Variants in CCDC74A observed in about 807,000 individuals in gnomAD.
CCDC74A encodes the protein coiled-coil domain-containing protein 74A.
Under a neutral mutation model 37.6 loss-of-function variants are expected in CCDC74A, and 38 were observed. The observed-to-expected ratio is 1.01, with a 90% CI of 0.78 to 1.33. The LOEUF is 1.33. Among genes scored for constraint, CCDC74A ranks in the 40% most tolerant of loss-of-function variants. The pLI, the probability that CCDC74A is intolerant of heterozygous loss-of-function variation, is 0.00. For missense variants in CCDC74A, 340 were observed against 403.4 expected, an observed-to-expected ratio of 0.84 and a Z score of 1.35; for synonymous variants, 134 against 165.2, an observed-to-expected ratio of 0.81 and a Z score of 1.45.
rs560072033 is a variant in CCDC74A at position 131,529,536 on chromosome 2, T to TG, written c.251-104dup. ...CATGGGGCAGGGCCCAATCAGCCAGTGGGGGGGCAGGACTTTTGGGCTCAG... is the reference window on the plus strand; with the variant it reads ...CATGGGGCAGGGCCCAATCAGCCAGTGGGGGGGGCAGGACTTTTGGGCTCAG... On this transcript the variant is annotated intron_variant, in intron 1 of 7. Coordinates refer to ENST00000409856, the MANE Select transcript of CCDC74A (RefSeq NM_001258306.3). 677 of 1,433,372 alleles carry TG rather than the reference T, an allele frequency of 4.7e-4. 5 individuals carry two copies. The East Asian group carries it at 0.011, about 24-fold the overall frequency. 88.8% of individuals were successfully genotyped at this position (1,433,372 alleles called of 1,614,324 possible).
chr2:131,524,815 C>A (rs553852905), upstream of CCDC74A, among the ~76,000 whole-genome samples: 3 of 146,996 alleles, frequency 2.0e-5, no homozygotes, highest in African/African-American at 7.5e-5. Flanking sequence ...AATTTCAACA[C>A]TTCTGGAGGC....
At chr2:131,524,251 T>G (rs1252111309), upstream of CCDC74A, among the ~76,000 whole-genome samples, 2 of 152,092 alleles carry the variant, frequency 1.3e-5, no homozygotes, top group South Asian at 4.2e-4. Flanking sequence ...ACTGGGTTAT[T>G]GTGTTTATTT....
chr2:131,526,143 T>C (rs865840646), upstream of CCDC74A, among the ~76,000 whole-genome samples: 120 of 144,246 alleles, frequency 8.3e-4, no homozygotes, highest in African/African-American at 2.9e-3. Context: ...TTTCTTTTTT[T>C]TCCTTTTTTT....
rs369967219 is a variant in CCDC74A at position 131,530,404 on chromosome 2, G to T, written c.296-373G>T. ...GGGAGACATGGAGAAGGGGGTTGAG[G>T]GAGGGCCCTTCCCTAGCCGCTGTGG... On this transcript the variant is annotated intron_variant, in intron 2 of 7. Coordinates refer to ENST00000409856, the MANE Select transcript of CCDC74A (RefSeq NM_001258306.3). 5.8e-6 allele frequency: 9 copies of T among 1,549,122 alleles called. No homozygotes were observed. In the Admixed American group the frequency reaches 5.9e-5, roughly 10 times the overall value.
At chr2:131,525,711 CTTTT>C (rs58721770), upstream of CCDC74A, among the ~76,000 whole-genome samples, 1 of 63,450 alleles carries the variant, frequency 1.6e-5, no homozygotes, top group African/African-American at 7.6e-5. Flanking sequence ...CTATGCCTGC[CTTTT>C]TTTTTTTTTT....
At chr2:131,533,232 G>T (rs753039767) in intron 7 of CCDC74A, 37 bp from the exon 8 acceptor site, 3 of 1,611,428 alleles carry the variant, frequency 1.9e-6, no homozygotes, top group Non-Finnish European at 2.5e-6. Flanking sequence ...TCCACTCCCG[G>T]GGATGCTCAC....
intron 2 of CCDC74A, 188 bp downstream of exon 2, chr2:131,529,879 G>C (rs1680922015): frequency 5.3e-6 from 8 of 1,495,800 alleles, no homozygotes; most frequent in Non-Finnish European, 7.1e-6. Context: ...GCCAAGCACA[G>C]CACGTGCTGC....
chr2:131,533,260 C>A lies in CCDC74A; in HGVS notation c.810-9C>A, dbSNP rs773029099. On this transcript the variant is annotated splice_polypyrimidine_tract_variant and intron_variant, in intron 7 of 7. Coordinates refer to ENST00000409856, the MANE Select transcript of CCDC74A (RefSeq NM_001258306.3). ...ATGCTCACGGTGACAGTCCCTCTAC[C>A]CGCCCCAGCCTGAGCCCACCTGTGG... 4.3e-6 allele frequency: 7 copies of A among 1,612,474 alleles called. No individual in the cohort carries two copies. The African/African-American group carries it at 5.3e-5, about 12-fold the overall frequency.
upstream of CCDC74A, among the ~76,000 whole-genome samples, chr2:131,525,381 C>A (rs1167082711): frequency 2.0e-5 from 3 of 151,966 alleles, no homozygotes; most frequent in African/African-American, 4.8e-5. Context: ...ACCATGCAGG[C>A]AAATTTTTTA....
chr2:131,527,619 A>G (rs1483006780), upstream of CCDC74A: 2 of 261,566 alleles, frequency 7.6e-6, no homozygotes, highest in South Asian at 9.4e-5. Flanking sequence ...CTCAGCCTCC[A>G]GAGTAGCTGG....
At chr2:131,529,434 G>A in intron 1 of CCDC74A, 5 of 710,946 alleles carry the variant, frequency 7.0e-6, no homozygotes, top group Non-Finnish European at 7.6e-6. Context: ...GATATGCCCG[G>A]TGGGCTCTGC....
chr2:131,530,749 A>G (rs1681128112), intron 2 of CCDC74A, 28 bp from the exon 3 acceptor site: 8 of 1,612,848 alleles, frequency 5.0e-6, no homozygotes, highest in South Asian at 2.2e-5. Context: ...TGCGGGCGGT[A>G]GCGCCGACAC....
rs950257593 is a variant in CCDC74A at position 131,533,624 on chromosome 2, G to C, written c.*226G>C. 1.5e-5 allele frequency: 9 copies of C among 598,704 alleles called. No homozygotes were observed. The highest frequency in any genetic ancestry group is 3.1e-5 in the Admixed American group (1 of 32,512). The allele number at this position is 598,704 out of a possible 1,614,324, so 37.1% of individuals were successfully genotyped here. On this transcript the variant is annotated 3_prime_UTR_variant, in exon 8 of 8. Coordinates refer to ENST00000409856, the MANE Select transcript of CCDC74A (RefSeq NM_001258306.3). ...AAAAGCACACGATGAAGCAGGTATC[G>C]CCTTACCTGTTGAAACTGAAAATAA...
intron 1 of CCDC74A, chr2:131,528,624 C>T: frequency 1.4e-6 from 1 of 722,750 alleles, no homozygotes; most frequent in Non-Finnish European, 2.4e-6. Flanking sequence ...TCCTGGCTAA[C>T]ACGGTGAAAT....
At chr2:131,528,982 C>G (rs1680707032) in intron 1 of CCDC74A, among the ~76,000 whole-genome samples, 1 of 144,746 alleles carries the variant, frequency 6.9e-6, no homozygotes, top group South Asian at 2.3e-4. Context: ...GCCTTCCCAA[C>G]TGCACCCTTA....
upstream of CCDC74A, among the ~76,000 whole-genome samples, chr2:131,524,505 G>A (rs914137105): frequency 6.6e-6 from 1 of 152,078 alleles, no homozygotes; most frequent in South Asian, 2.1e-4. Flanking sequence ...GAACCAGAGC[G>A]GGCAATAAGA....
chr2:131,529,574 G>A (rs1298324299), intron 1 of CCDC74A, 73 bp from the exon 2 acceptor site: 2 of 1,599,474 alleles, frequency 1.3e-6, no homozygotes, highest in African/African-American at 2.7e-5. Context: ...GCCAGGAGAG[G>A]ACAGGCCAGG....
At position 131,532,746 on chromosome 2, in the gene CCDC74A, G is replaced by A. The variant is rs752719318; in HGVS notation, c.643G>A (p.Glu215Lys). 1.9e-5 allele frequency: 30 copies of A among 1,613,634 alleles called. No individual in the cohort carries two copies. Among genetic ancestry groups the A allele is most frequent in the Admixed American group, 1.2e-4 (7 of 60,008 alleles). Reference sequence around the variant, plus strand: ...TAGGCAGTGCGAAGTGCTCATCCGCGAGCTGTGGAATACCAACCTCCTGCA... The same window carrying A: ...TAGGCAGTGCGAAGTGCTCATCCGCAAGCTGTGGAATACCAACCTCCTGCA... Reference protein sequence around the residue: ...TLRQCEVLIRELWNTNLLQTQ... With the variant: ...TLRQCEVLIRKLWNTNLLQTQ... The change falls in exon 5 of 8, where the codon GAG (glutamate) becomes AAG (lysine). Residue 215 changes from glutamate (E) to lysine (K), a missense_variant. Around this residue, in one of 3 missense-constraint regions of CCDC74A, gnomAD observed 185 missense variants for 231.5 expected, o/e 0.80. Coordinates refer to ENST00000409856, the MANE Select transcript of CCDC74A (RefSeq NM_001258306.3).
upstream of CCDC74A, among the ~76,000 whole-genome samples, chr2:131,523,559 AG>A (rs1680199532): frequency 6.6e-6 from 1 of 152,120 alleles, no homozygotes; most frequent in Admixed American, 6.5e-5. Context: ...CCTGGGATGT[AG>A]AGGTTGCAGT....
Sources: allele counts gnomAD v4.1 joint callset (sites outside exome capture counted in the v4.1 genomes callset), GRCh38; gene constraint gnomAD v4.1.1; regional missense constraint gnomAD v4.1.1; transcripts MANE v1.5; gene names NCBI Gene and HGNC (gene_info 2026-07-23, HGNC 2026-07-21).